ABLIM1: variants seen among roughly 807,000 people sequenced by gnomAD.
The protein encoded by ABLIM1 is actin binding LIM protein 1, also known as actin-binding LIM protein 1.
A neutral mutation model predicts 107.0 loss-of-function variants in ABLIM1; 40 were observed. The ratio of observed to expected loss-of-function variants is 0.37; its 90% confidence interval spans 0.29 to 0.49. The LOEUF is 0.49. Ranked by LOEUF, ABLIM1 falls within the 20% of genes least tolerant of loss-of-function variation. ABLIM1 has a pLI of 0.97. For synonymous variants in ABLIM1, 357 were observed against 357.3 expected (o/e 1.00, Z 0.01); for missense variants, 857 against 1,008.5 (o/e 0.85, Z 2.04).
chr10:114,601,933 T>TGGGTGGTGAGGGTCCTGA lies in ABLIM1; in HGVS notation c.255_272dup (p.Gln86_Pro91dup), dbSNP rs762331087. On this transcript the variant is annotated inframe_insertion, in exon 2 of 23. Coordinates refer to ENST00000533213, the MANE Select transcript of ABLIM1 (RefSeq NM_002313.7). ...GGCAGTGAATGACAGGCTTCTCTGA[T>TGGGTGGTGAGGGTCCTGA]GGGTGGTGAGGGTCCTGAGGGTGGG... The TGGGTGGTGAGGGTCCTGA allele has an allele frequency of 5.6e-6, 9 of 1,614,140 alleles. No homozygotes were observed. The East Asian group carries it at 1.8e-4, about 32-fold the overall frequency.
intron 1 of ABLIM1, among the ~76,000 whole-genome samples, chr10:114,735,572 C>T (rs574573068): frequency 1.3e-5 from 2 of 152,132 alleles, no homozygotes; most frequent in Non-Finnish European, 2.9e-5. Flanking sequence ...CAGGTTCAAG[C>T]GATTCTCCTG....
At chr10:114,768,155 G>GCCCGGC (rs903489796), upstream of ABLIM1, 4 of 304,614 alleles carry the variant, frequency 1.3e-5, no homozygotes, top group African/African-American at 2.3e-5. Flanking sequence ...CGGAGCGCCC[G>GCCCGGC]CCCGGCCCCG....
At chr10:114,784,123 G>A in the ABLIM1 span, among the ~76,000 whole-genome samples, 2 of 151,612 alleles carry the variant, frequency 1.3e-5, no homozygotes, top group East Asian at 1.9e-4. Context: ...TGAGGGGGGC[G>A]GATCACAAGG....
intron 4 of ABLIM1, among the ~76,000 whole-genome samples, chr10:114,571,014 C>A: frequency 6.6e-6 from 1 of 152,088 alleles, no homozygotes; most frequent in Non-Finnish European, 1.5e-5. Flanking sequence ...CACACCTAGG[C>A]TGATGCTCGT....
At chr10:114,534,767 A>T (rs1358859070) in intron 6 of ABLIM1, among the ~76,000 whole-genome samples, 1 of 152,032 alleles carries the variant, frequency 6.6e-6, no homozygotes, top group African/African-American at 2.4e-5. Flanking sequence ...CTCTGAAGTT[A>T]AATAATGCTG....
intron 1 of ABLIM1, among the ~76,000 whole-genome samples, chr10:114,639,417 C>T (rs2078633078): frequency 6.6e-6 from 1 of 152,246 alleles, no homozygotes; most frequent in Non-Finnish European, 1.5e-5. Flanking sequence ...CAAAACCCCT[C>T]ACATCCTGCC....
At chr10:114,644,656 GC>G (rs1300760095) in intron 1 of ABLIM1, among the ~76,000 whole-genome samples, 2 of 152,076 alleles carry the variant, frequency 1.3e-5, no homozygotes, top group African/African-American at 2.4e-5. Flanking sequence ...CCATACATCA[GC>G]TGGCCAACAG....
At chr10:114,440,716 C>G (rs949576438) in intron 19 of ABLIM1, 1 of 472,264 alleles carries the variant, frequency 2.1e-6, no homozygotes, top group African/African-American at 1.9e-5. Context: ...CCGCCTCAGC[C>G]TCCCAAAGTG....
At chr10:114,465,207 G>C (rs187214758) in intron 12 of ABLIM1, among the ~76,000 whole-genome samples, 1 of 152,124 alleles carries the variant, frequency 6.6e-6, no homozygotes, top group Non-Finnish European at 1.5e-5. Context: ...GGGTTGGAAC[G>C]ATCTTAAAAG....
the ABLIM1 span, among the ~76,000 whole-genome samples, chr10:114,786,173 T>C: frequency 6.6e-6 from 1 of 152,216 alleles, no homozygotes; most frequent in Admixed American, 6.5e-5. Flanking sequence ...GATCATTTAA[T>C]TGTCTACTGG....
intron 6 of ABLIM1, among the ~76,000 whole-genome samples, chr10:114,521,663 C>T (rs896429029): frequency 6.6e-6 from 1 of 152,034 alleles, no homozygotes; most frequent in Non-Finnish European, 1.5e-5. Flanking sequence ...CTCCTTTCCC[C>T]GCTCCTTCTT....
At chr10:114,468,510 A>G (rs987974680) in intron 10 of ABLIM1, among the ~76,000 whole-genome samples, 8 of 152,148 alleles carry the variant, frequency 5.3e-5, no homozygotes, top group East Asian at 2.0e-4. Context: ...TTCTGACCTC[A>G]TGATCCGCCC....
chr10:114,767,017 C>T (rs904494708), intron 1 of ABLIM1, among the ~76,000 whole-genome samples: 5 of 152,106 alleles, frequency 3.3e-5, no homozygotes, highest in African/African-American at 1.2e-4. Context: ...ATCGCCAAAG[C>T]AATCATCAAC....
intron 4 of ABLIM1, among the ~76,000 whole-genome samples, chr10:114,569,630 A>G (rs1400717349): frequency 6.6e-6 from 1 of 152,156 alleles, no homozygotes; most frequent in Non-Finnish European, 1.5e-5. Context: ...GAATTCCTTC[A>G]AAGTTTTTGG....
intron 6 of ABLIM1, among the ~76,000 whole-genome samples, chr10:114,527,654 CTT>C (rs2064969627): frequency 7.6e-6 from 1 of 131,046 alleles, no homozygotes; most frequent in South Asian, 2.3e-4. Flanking sequence ...TGTAACAACT[CTT>C]GTCTTTTTTT....
In ABLIM1 at chr10:114,473,135, G is replaced by C. The variant is rs1420901789; in HGVS notation, c.1120-3C>G. On this transcript the variant is annotated splice_polypyrimidine_tract_variant and splice_region_variant and intron_variant, in intron 9 of 22. Coordinates refer to ENST00000533213, the MANE Select transcript of ABLIM1 (RefSeq NM_002313.7). Reference sequence around the variant, plus strand: ...AGGATCTCATTGTCTACTTTTGCCTGGCAAAGTTAACCAGAAAGAACAATT... The same window carrying C: ...AGGATCTCATTGTCTACTTTTGCCTCGCAAAGTTAACCAGAAAGAACAATT... 1 of 1,605,122 alleles carries C rather than the reference G, an allele frequency of 6.2e-7. No individual in the cohort carries two copies. Among genetic ancestry groups the C allele is most frequent in the Non-Finnish European group, 8.5e-7 (1 of 1,174,988 alleles).
At position 114,473,079 on chromosome 10, in the gene ABLIM1, C is replaced by T. The variant is rs1345400815; in HGVS notation, c.1173G>A (p.Lys391=). The change falls in exon 10 of 23, where the codon AAG becomes AAA. Residue 391 remains lysine (K), a synonymous_variant. Transcript: ENST00000533213. ...LDYKDLAAIP[K]VKAIYDIERP... The stretch of plus-strand genomic sequence containing the variant: ...GTTCAATGTCATAAATTGCCTTGAC[C>T]TTCGGAATGGCTGCTAAATCCTTGT... The T allele has an allele frequency of 6.2e-7, 1 of 1,613,354 alleles. No homozygotes were observed. The highest frequency in any genetic ancestry group is 8.5e-7 in the Non-Finnish European group (1 of 1,179,628).
At chr10:114,609,887 T>C (rs1292020859) in intron 1 of ABLIM1, among the ~76,000 whole-genome samples, 2 of 152,210 alleles carry the variant, frequency 1.3e-5, no homozygotes, top group Non-Finnish European at 2.9e-5. Context: ...TGTTGCACAA[T>C]TCCTGTTTTG....
chr10:114,761,388 T>C (rs1356638011), intron 1 of ABLIM1, among the ~76,000 whole-genome samples: 2 of 152,170 alleles, frequency 1.3e-5, no homozygotes, highest in Non-Finnish European at 2.9e-5. Context: ...AGGAAGCAGA[T>C]GGCAGCCCCT....
Sources: allele counts gnomAD v4.1 joint callset (sites outside exome capture counted in the v4.1 genomes callset), GRCh38; gene constraint gnomAD v4.1.1; transcripts MANE v1.5; gene names NCBI Gene and HGNC (gene_info 2026-07-23, HGNC 2026-07-21).